Variants in LRRC31 observed in about 807,000 individuals in gnomAD.
LRRC31 encodes leucine-rich repeat-containing protein 31.
A neutral mutation model predicts 46.7 loss-of-function variants in LRRC31; 35 were observed. The ratio of observed to expected loss-of-function variants is 0.75; its 90% CI spans 0.57 to 0.99. LRRC31 has a LOEUF of 0.99. Ranked by LOEUF, LRRC31 falls within the 50% of genes least tolerant of loss-of-function variation. LRRC31 has a pLI of 0.00. For synonymous variants in LRRC31, 236 were observed against 235.1 expected, an observed-to-expected ratio of 1.00 and a Z score of -0.03; for missense variants, 613 against 626.1, an observed-to-expected ratio of 0.98 and a Z score of 0.22.
intron 5 of LRRC31, 23 bp from the exon 6 acceptor site, chr3:169,855,003 A>T: frequency 6.3e-7 from 1 of 1,598,018 alleles, no homozygotes; most frequent in Non-Finnish European, 8.5e-7. Context: ...TCAGAATCCC[A>T]TTCTGGTAGC....
chr3:169,853,379 A>G, intron 6 of LRRC31: 1 of 985,412 alleles, frequency 1.0e-6, no homozygotes, highest in Non-Finnish European at 1.2e-6. Context: ...GCAATTCATT[A>G]CAGTTATCAA....
At chr3:169,868,594 A>G (rs969582629) in intron 1 of LRRC31, among the ~76,000 whole-genome samples, 1 of 152,264 alleles carries the variant, frequency 6.6e-6, no homozygotes, top group Admixed American at 6.5e-5. Context: ...GCTGACTGAC[A>G]GAACATAAAT....
Position 169,851,672 on chromosome 3 carries a change from T to A in LRRC31, c.1106A>T (p.Lys369Met). The change falls in exon 7 of 9, where the codon AAG becomes ATG. Residue 369 changes from lysine to methionine, a missense_variant. Physicochemically the swap from Lys to Met is moderately conservative, Grantham distance 95. Transcript: ENST00000316428. ...LSRLRFLPAL[K>M]SLVINNCALE... ...AGCACAGTTGTTGATAACTAATGAC[T>A]TCAATGCTGGTAAAAATCGGAGCCT... 1 of 1,614,182 alleles carries A rather than the reference T, an allele frequency of 6.2e-7. No individual in the cohort carries two copies. Among genetic ancestry groups the A allele is most frequent in the Non-Finnish European group, 8.5e-7 (1 of 1,180,038 alleles).
chr3:169,851,112 A>G (rs1780749338), intron 7 of LRRC31, among the ~76,000 whole-genome samples: 1 of 152,106 alleles, frequency 6.6e-6, no homozygotes, highest in Non-Finnish European at 1.5e-5. Flanking sequence ...CTCACACTCT[A>G]GTAAATGGCT....
intron 3 of LRRC31, among the ~76,000 whole-genome samples, chr3:169,858,714 G>T (rs116018900): frequency 0.024 from 3,693 of 152,216 alleles, 173 homozygotes; most frequent in African/African-American, 0.084. Context: ...GTTAAAAGTG[G>T]CACTAGAGGC....
rs1180073387 is a variant in LRRC31, at chr3:169,857,345, TACAC to T, written c.488-477_488-474del. ...ATATATATATATATATATATATATA[TACAC>T]ACACACACACACACACACACAAGTA... On this transcript the variant is annotated intron_variant, in intron 3 of 8. Transcript: ENST00000316428. Among the ~76,000 whole-genome samples the T allele has an allele frequency of 7.5e-3, 672 of 89,318 alleles. 27 individuals carry two copies. The highest frequency in any genetic ancestry group is 0.011 in the African/African-American group (239 of 21,256). The allele number at this position is 89,318 out of a possible 152,430, so 58.6% of individuals were successfully genotyped here. A position where few individuals can be genotyped will look rare whatever the true frequency, so the allele number is the denominator to read the frequency against.
chr3:169,848,243 AAAGGTTG>A lies in LRRC31; in HGVS notation c.1197_1203del (p.Asn400LeufsTer10). ...TTGCCACCAACACACTTGTTCCAAG[AAAGGTTG>A]AATACTTCCAGAGCAGAGAGGTGAA... is the stretch of plus-strand genomic sequence containing the variant. On this transcript the variant is annotated frameshift_variant, in exon 8 of 9. Coordinates refer to ENST00000316428, the MANE Select transcript of LRRC31 (RefSeq NM_024727.4). LOFTEE classifies it high-confidence loss of function. 6.2e-7 allele frequency: 1 copy of A among 1,614,230 alleles called. No individual in the cohort carries two copies. The highest frequency in any genetic ancestry group is 8.5e-7 in the Non-Finnish European group (1 of 1,180,044).
chr3:169,845,357 T>C (rs1041898436), intron 8 of LRRC31, among the ~76,000 whole-genome samples: 2 of 152,198 alleles, frequency 1.3e-5, no homozygotes, highest in African/African-American at 4.8e-5. Context: ...ATATTGACAA[T>C]CTGATGCTAG....
chr3:169,869,418 TTG>T (rs1009955248), intron 1 of LRRC31, among the ~76,000 whole-genome samples: 14 of 151,984 alleles, frequency 9.2e-5, no homozygotes, highest in Non-Finnish European at 1.9e-4. Flanking sequence ...ATGGGATTGT[TTG>T]TAACACAAAG....
chr3:169,841,584 G>A (rs1241829457), intron 8 of LRRC31, among the ~76,000 whole-genome samples: 2 of 152,072 alleles, frequency 1.3e-5, no homozygotes, highest in African/African-American at 2.4e-5. Flanking sequence ...CAATGTGCAC[G>A]CTTTTTCTCT....
Position 169,856,415 on chromosome 3 carries a change from C to A in LRRC31, c.744G>T (p.Gln248His). 1.2e-6 allele frequency: 2 copies of A among 1,605,912 alleles called. No individual in the cohort carries two copies. ...DIVGSLNSIA[Q>H]GLKSTSNLKV... ...TCAGATTTGAGGTGCTTTTTAATCC[C>A]TGAGCAATACTGTTCAGACTGCCAA... The change falls in exon 5 of 9, where the codon CAG becomes CAT. Residue 248 changes from glutamine (Q) to histidine (H), a missense_variant. By Grantham distance (24) the Gln-to-His change is conservative. Transcript: ENST00000316428.
chr3:169,857,563 T>G (rs1310760617), intron 3 of LRRC31, among the ~76,000 whole-genome samples: 1 of 151,224 alleles, frequency 6.6e-6, no homozygotes, highest in Non-Finnish European at 1.5e-5. Flanking sequence ...GGATGAAAAC[T>G]AACATTTCTG....
chr3:169,863,080 C>T (rs1162117033), intron 1 of LRRC31, among the ~76,000 whole-genome samples: 3 of 151,952 alleles, frequency 2.0e-5, no homozygotes, highest in East Asian at 1.9e-4. Context: ...ATGAGGGGTT[C>T]GCCATGTTGG....
chr3:169,868,121 T>G (rs551564576), intron 1 of LRRC31, among the ~76,000 whole-genome samples: 1 of 152,326 alleles, frequency 6.6e-6, no homozygotes, highest in African/African-American at 2.4e-5. Flanking sequence ...CTATTACAAC[T>G]GTGGAAAAGA....
In LRRC31 at chr3:169,869,645, T is replaced by TGGC; in HGVS notation, c.160_162dup (p.Ala54dup). 6.2e-7 allele frequency: 1 copy of TGGC among 1,600,754 alleles called. No homozygotes were observed. Among genetic ancestry groups the TGGC allele is most frequent in the Non-Finnish European group, 8.5e-7 (1 of 1,174,708 alleles). ...GCCAGCAGCTTACCAGTCTCTGAGG[T>TGGC]GGCTGTCTTCTGTATCCAGTCGCTG... On this transcript the variant is annotated inframe_insertion, in exon 1 of 9. Transcript: ENST00000316428.
chr3:169,854,075 G>A (rs974103403), intron 6 of LRRC31, among the ~76,000 whole-genome samples: 1 of 152,242 alleles, frequency 6.6e-6, no homozygotes, highest in African/African-American at 2.4e-5. Flanking sequence ...GAGTCTGTGA[G>A]GAGGAGGGGG....
chr3:169,846,466 A>G (rs1780608357), intron 8 of LRRC31, among the ~76,000 whole-genome samples: 1 of 152,194 alleles, frequency 6.6e-6, no homozygotes, highest in East Asian at 1.9e-4. Flanking sequence ...CCTGGCCAAC[A>G]GGGCGAAACC....
chr3:169,853,111 G>T, intron 6 of LRRC31: 1 of 451,934 alleles, frequency 2.2e-6, no homozygotes, highest in Non-Finnish European at 2.9e-6. Flanking sequence ...CATGTAGTTT[G>T]GGTATGCATC....
intron 1 of LRRC31, among the ~76,000 whole-genome samples, chr3:169,864,030 T>TG (rs1781254040): frequency 7.8e-6 from 1 of 128,774 alleles, no homozygotes; most frequent in Non-Finnish European, 1.6e-5. Flanking sequence ...GTGTGTGTGT[T>TG]ATTTTTGTAT....
Sources: gnomAD v4.1 joint callset for allele counts (sites outside exome capture counted in the v4.1 genomes callset) on GRCh38, gnomAD v4.1.1 for gene constraint, MANE v1.5 for transcripts, NCBI Gene and HGNC (gene_info 2026-07-23, HGNC 2026-07-21) for gene names.